SLC4A3: variants seen among roughly 807,000 people sequenced by gnomAD.
The protein encoded by SLC4A3 is anion exchange protein 3.
A neutral mutation model predicts 114.2 loss-of-function variants in SLC4A3; 47 were observed. The observed-to-expected ratio is 0.41, with a 90% CI of 0.33 to 0.52. SLC4A3 has a LOEUF of 0.52. Ranked by LOEUF, SLC4A3 falls within the 20% of genes least tolerant of loss-of-function variation. SLC4A3 has a pLI of 0.21. For missense variants in SLC4A3, 1,312 were observed against 1,668.3 expected, an observed-to-expected ratio of 0.79 and a Z score of 3.72; for synonymous variants, 693 against 710.3, an observed-to-expected ratio of 0.98 and a Z score of 0.39.
chr2:219,630,725 C>T lies in SLC4A3; in HGVS notation c.811+373C>T, dbSNP rs1484538576. On this transcript the variant is annotated intron_variant, in intron 6 of 22. Coordinates refer to ENST00000358055, the MANE Select transcript of SLC4A3 (RefSeq NM_005070.4). This position sits in a 1 kb window ranked among gnomAD's most constrained non-coding sequence, Gnocchi z 6.9. The stretch of plus-strand genomic sequence containing the variant: ...AGGCCCTGAGTCTGAGCCATTGCTC[C>T]GGACCCCTGCCTCTCCCTGTGTCAG... Among the ~76,000 whole-genome samples the T allele has an allele frequency of 4.6e-5, 7 of 152,152 alleles. No homozygotes were observed. Among genetic ancestry groups the T allele is most frequent in the Admixed American group, 2.0e-4 (3 of 15,280 alleles).
rs775181129 is a variant in SLC4A3 at position 219,638,249 on chromosome 2, C to T, written c.2852C>T (p.Thr951Met). 1.3e-5 allele frequency: 21 copies of T among 1,608,862 alleles called. No individual in the cohort carries two copies. The highest frequency in any genetic ancestry group is 1.7e-4 in the Middle Eastern group (1 of 6,054). Residue 951 changes from threonine to methionine, a missense_variant, in exon 18 of 23, where the codon ACG becomes ATG. Around this residue, in one of 4 missense-constraint regions of SLC4A3, gnomAD observed 301 missense variants for 460.7 expected, o/e 0.65. Transcript: ENST00000358055. This position sits in a 1 kb window ranked among gnomAD's most constrained non-coding sequence, Gnocchi z 7.5. ...GATTACTCCATCACAGACACCTACA[C>T]GCAGGTGAGGGAGCCCCAGCCTGTG... Reference protein sequence around the residue: ...LVDYSITDTYTQKLTVPTGLS... With the variant: ...LVDYSITDTYMQKLTVPTGLS...
chr2:219,631,249 C>T lies in SLC4A3; in HGVS notation c.812-719C>T, dbSNP rs1342007775. 4.7e-5 allele frequency: 60 copies of T among 1,268,458 alleles called. No individual in the cohort carries two copies. Among genetic ancestry groups the T allele is most frequent in the Non-Finnish European group, 6.0e-5 (58 of 965,706 alleles). The allele number at this position is 1,268,458 out of a possible 1,614,324, so 78.6% of individuals were successfully genotyped here. On this transcript the variant is annotated intron_variant, in intron 6 of 22. Coordinates refer to ENST00000358055, the MANE Select transcript of SLC4A3 (RefSeq NM_005070.4). The surrounding 1 kb of genome is among the most constrained non-coding windows in gnomAD (Gnocchi z 6.3). ...TCGGCCACCGGGAGAATGACGAGCCCACTGGAGAAGGACCCTGAGCCCAAT... is the reference window on the plus strand; with the variant it reads ...TCGGCCACCGGGAGAATGACGAGCCTACTGGAGAAGGACCCTGAGCCCAAT...
In SLC4A3 at chr2:219,638,595, C is replaced by T; in HGVS notation, c.2857-108C>T. ...CTAATTTTCCCCTGACCTGTTCACA[C>T]CCCAGCTCCCTGAAGTCCTGGACTG... On this transcript the variant is annotated intron_variant, in intron 18 of 22. Transcript: ENST00000358055. The surrounding 1 kb of genome is among the most constrained non-coding windows in gnomAD (Gnocchi z 7.5). The T allele has an allele frequency of 3.4e-6, 4 of 1,169,300 alleles. No individual in the cohort carries two copies. Among genetic ancestry groups the T allele is most frequent in the Non-Finnish European group, 4.9e-6 (4 of 816,342 alleles). The allele number at this position is 1,169,300 out of a possible 1,614,324, so 72.4% of individuals were successfully genotyped here. A position where few individuals can be genotyped will look rare whatever the true frequency, so the allele number is the denominator to read the frequency against.
At chr2:219,632,234 G>A (rs2106187694) in intron 7 of SLC4A3, 28 bp from the exon 8 acceptor site, 1 of 1,613,616 alleles carries the variant, frequency 6.2e-7, no homozygotes, top group Non-Finnish European at 8.5e-7. Context: ...GTTGGCCCCT[G>A]GGCCCTCACC....
In SLC4A3 at chr2:219,629,236, C is replaced by T. The variant is rs184135231; in HGVS notation, c.310C>T (p.Arg104Trp). 3.5e-4 allele frequency: 563 copies of T among 1,613,564 alleles called. 3 individuals are homozygous for T. In the East Asian group the frequency reaches 4.1e-3, roughly 12 times the overall value. Reference sequence around the variant, plus strand: ...GCGGCGGCTGCCCCCCACCTCTGCCCGGCACACCAGGAGAAAGAGGAAGAA... The same window carrying T: ...GCGGCGGCTGCCCCCCACCTCTGCCTGGCACACCAGGAGAAAGAGGAAGAA... Reference protein sequence around the residue: ...KLRRLPPTSARHTRRKRKKEK... With the variant: ...KLRRLPPTSAWHTRRKRKKEK... The change falls in exon 4 of 23, where the codon CGG (arginine) becomes TGG (tryptophan). Residue 104 changes from arginine (R) to tryptophan (W), a missense_variant. Arg to Trp is a moderately radical substitution (Grantham distance 101). This residue lies in a region of SLC4A3 where 236 missense variants were observed against 212.1 expected (regional missense o/e 1.11). Coordinates refer to ENST00000358055, the MANE Select transcript of SLC4A3 (RefSeq NM_005070.4).
In SLC4A3 at chr2:219,636,069, T is replaced by G. The variant is rs1699107470; in HGVS notation, c.2191+178T>G. On this transcript the variant is annotated intron_variant, in intron 14 of 22. Coordinates refer to ENST00000358055, the MANE Select transcript of SLC4A3 (RefSeq NM_005070.4). This position sits in a 1 kb window ranked among gnomAD's most constrained non-coding sequence, Gnocchi z 5.5. ...ATCAGGGAATCCCAGCGATCACCTT[T>G]GGGGAGCTATAAAGTGAGGGTGTGG... Among the ~76,000 whole-genome samples the G allele has an allele frequency of 1.3e-5, 2 of 152,022 alleles. No individual in the cohort carries two copies. Among genetic ancestry groups the G allele is most frequent in the African/African-American group, 4.8e-5 (2 of 41,362 alleles).
At position 219,629,264 on chromosome 2, in the gene SLC4A3, A is replaced by G; in HGVS notation, c.338A>G (p.Glu113Gly). Residue 113 changes from glutamate (E) to glycine (G), a missense_variant, in exon 4 of 23, where the codon GAG becomes GGG. Transcript: ENST00000358055. ...CACACCAGGAGAAAGAGGAAGAAGGAGAAAACCTCTGCTCCTCCCTCCGAG... is the reference window on the plus strand; with the variant it reads ...CACACCAGGAGAAAGAGGAAGAAGGGGAAAACCTCTGCTCCTCCCTCCGAG... ...ARHTRRKRKK[E>G]KTSAPPSEGT... 6.2e-7 allele frequency: 1 copy of G among 1,613,984 alleles called. No individual in the cohort carries two copies. Among genetic ancestry groups the G allele is most frequent in the East Asian group, 2.2e-5 (1 of 44,866 alleles).
Position 219,641,906 on chromosome 2 carries a change from C to T in SLC4A3, c.*178C>T, listed in dbSNP as rs1699339248. Reference sequence around the variant, plus strand: ...CTTCTGCCCGGGGTGTTGACCTCGCCTCACCTTTCACAGACCAGACCGGCA... The same window carrying T: ...CTTCTGCCCGGGGTGTTGACCTCGCTTCACCTTTCACAGACCAGACCGGCA... On this transcript the variant is annotated 3_prime_UTR_variant, in exon 23 of 23. Coordinates refer to ENST00000358055, the MANE Select transcript of SLC4A3 (RefSeq NM_005070.4). This position sits in a 1 kb window ranked among gnomAD's most constrained non-coding sequence, Gnocchi z 4.0. The T allele has an allele frequency of 1.7e-6, 1 of 591,156 alleles. No individual in the cohort carries two copies. The highest frequency in any genetic ancestry group is 3.0e-5 in the Admixed American group (1 of 33,434). 36.6% of individuals were successfully genotyped at this position (591,156 alleles called of 1,614,324 possible). A position where few individuals can be genotyped will look rare whatever the true frequency, so the allele number is the denominator to read the frequency against.
In SLC4A3 at chr2:219,641,113, G is replaced by A; in HGVS notation, c.3621+151G>A. The A allele has an allele frequency of 1.3e-6, 1 of 744,540 alleles. No individual in the cohort carries two copies. Among genetic ancestry groups the A allele is most frequent in the Admixed American group, 2.6e-5 (1 of 38,092 alleles). 46.1% of individuals were successfully genotyped at this position (744,540 alleles called of 1,614,324 possible). A position where few individuals can be genotyped will look rare whatever the true frequency, so the allele number is the denominator to read the frequency against. On this transcript the variant is annotated intron_variant, in intron 22 of 22. Coordinates refer to ENST00000358055, the MANE Select transcript of SLC4A3 (RefSeq NM_005070.4). This position sits in a 1 kb window ranked among gnomAD's most constrained non-coding sequence, Gnocchi z 4.0. ...ACCTTCCGAAATCTTATTTTCACCT[G>A]TATAATAGGGGTGATCATAGACCCT...
chr2:219,627,794 C>A, intron 1 of SLC4A3, 49 bp downstream of exon 1: 2 of 454,364 alleles, frequency 4.4e-6, no homozygotes, highest in Non-Finnish European at 7.8e-6. Context: ...CCGGGCTGTC[C>A]CGGGCGTGGC....
chr2:219,636,412 T>C lies in SLC4A3; in HGVS notation c.2302T>C (p.Ser768Pro). The change falls in exon 15 of 23, where the codon TCT becomes CCT. Residue 768 changes from serine to proline, a missense_variant. Coordinates refer to ENST00000358055, the MANE Select transcript of SLC4A3 (RefSeq NM_005070.4). This position sits in a 1 kb window ranked among gnomAD's most constrained non-coding sequence, Gnocchi z 5.5. ...TCAGCCGCTGCTTGTGGTTGGCTTCTCTGGGCCGCTGCTTGTGTTTGAGGA... is the reference window on the plus strand; with the variant it reads ...TCAGCCGCTGCTTGTGGTTGGCTTCCCTGGGCCGCTGCTTGTGTTTGAGGA... ...GAQPLLVVGF[S>P]GPLLVFEEAF... The C allele has an allele frequency of 6.2e-7, 1 of 1,612,896 alleles. No individual in the cohort carries two copies. Among genetic ancestry groups the C allele is most frequent in the Non-Finnish European group, 8.5e-7 (1 of 1,179,526 alleles).
chr2:219,638,008 TC>T lies in SLC4A3; in HGVS notation c.2767-153del, dbSNP rs1699190089. ...GAGAAGTCTAATCAAGACAACAGCC[TC>T]CCAGGCTGCGCTGGCACCTGTGGGG... On this transcript the variant is annotated intron_variant, in intron 17 of 22. Coordinates refer to ENST00000358055, the MANE Select transcript of SLC4A3 (RefSeq NM_005070.4). This position sits in a 1 kb window ranked among gnomAD's most constrained non-coding sequence, Gnocchi z 7.5. 6.6e-6 allele frequency among the ~76,000 whole-genome samples: 1 copy of T among 152,176 alleles called. No homozygotes were observed. The highest frequency in any genetic ancestry group is 6.5e-5 in the Admixed American group (1 of 15,270).
chr2:219,641,943 C>A lies in SLC4A3; in HGVS notation c.*215C>A. On this transcript the variant is annotated 3_prime_UTR_variant, in exon 23 of 23. Coordinates refer to ENST00000358055, the MANE Select transcript of SLC4A3 (RefSeq NM_005070.4). This position sits in a 1 kb window ranked among gnomAD's most constrained non-coding sequence, Gnocchi z 4.0. ...AGACCAGACCGGCACAGGCTTTGAG[C>A]TCATTATAACCACACTCCTTGTCTC... The A allele has an allele frequency of 1.9e-6, 1 of 524,568 alleles. No individual in the cohort carries two copies. The highest frequency in any genetic ancestry group is 2.8e-5 in the South Asian group (1 of 35,644). 32.5% of individuals were successfully genotyped at this position (524,568 alleles called of 1,614,324 possible).
At position 219,639,525 on chromosome 2, in the gene SLC4A3, G is replaced by A; in HGVS notation, c.3067G>A (p.Gly1023Ser). ...QKARRLLKGS[G>S]FHLDLLLIGS... ...GGCGCGGAGGCTGCTCAAGGGCTCCGGTTTCCACCTGGACCTGCTCCTCAT... is the reference window on the plus strand; with the variant it reads ...GGCGCGGAGGCTGCTCAAGGGCTCCAGTTTCCACCTGGACCTGCTCCTCAT... Residue 1023 changes from glycine to serine, a missense_variant, in exon 20 of 23, where the codon GGT (glycine) becomes AGT (serine). This residue lies in a region of SLC4A3 where 301 missense variants were observed against 460.7 expected (regional missense o/e 0.65). Transcript: ENST00000358055. This position sits in a 1 kb window ranked among gnomAD's most constrained non-coding sequence, Gnocchi z 5.9. The A allele has an allele frequency of 1.2e-6, 2 of 1,613,984 alleles. No individual in the cohort carries two copies. The highest frequency in any genetic ancestry group is 2.2e-5 in the East Asian group (1 of 44,872).
Position 219,638,820 on chromosome 2 carries a change from C to G in SLC4A3, c.2974C>G (p.Pro992Ala), listed in dbSNP as rs754591082. ...PPWMMVAAAV[P>A]ALLVLILIFM... ...GTGGATGATGGTGGCAGCCGCTGTT[C>G]CCGCCCTCCTCGTCCTCATCCTGAT... is the stretch of plus-strand genomic sequence containing the variant. Residue 992 changes from proline (P) to alanine (A), a missense_variant, in exon 19 of 23, where the codon CCC becomes GCC. Physicochemically the swap from Pro to Ala is conservative, Grantham distance 27. Around this residue, in one of 4 missense-constraint regions of SLC4A3, gnomAD observed 301 missense variants for 460.7 expected, o/e 0.65. Transcript: ENST00000358055. This position sits in a 1 kb window ranked among gnomAD's most constrained non-coding sequence, Gnocchi z 7.5. 2 of 1,614,146 alleles carry G rather than the reference C, an allele frequency of 1.2e-6. No homozygotes were observed. The highest frequency in any genetic ancestry group is 1.7e-6 in the Non-Finnish European group (2 of 1,180,032).
Position 219,628,459 on chromosome 2 carries a change from G to T in SLC4A3, c.106G>T (p.Asp36Tyr). The T allele has an allele frequency of 6.2e-7, 1 of 1,613,756 alleles. No individual in the cohort carries two copies. Among genetic ancestry groups the T allele is most frequent in the Non-Finnish European group, 8.5e-7 (1 of 1,179,862 alleles). ...PLSPDVEEED[D>Y]DLGKTLAVSR... Reference sequence around the variant, plus strand: ...AAGTCCAGACGTGGAGGAGGAGGACGATGACTTGGGCAAGACCTTGGCTGT... The same window carrying T: ...AAGTCCAGACGTGGAGGAGGAGGACTATGACTTGGGCAAGACCTTGGCTGT... Residue 36 changes from aspartate (D) to tyrosine (Y), a missense_variant, in exon 3 of 23, where the codon GAT becomes TAT. By Grantham distance (160) the Asp-to-Tyr change is radical. Around this residue, in one of 4 missense-constraint regions of SLC4A3, gnomAD observed 236 missense variants for 212.1 expected, o/e 1.11. Transcript: ENST00000358055. This position sits in a 1 kb window ranked among gnomAD's most constrained non-coding sequence, Gnocchi z 4.8.
In SLC4A3 at chr2:219,634,643, G is replaced by T. The variant is rs372916935; in HGVS notation, c.1746+39G>T. On this transcript the variant is annotated intron_variant, in intron 12 of 22. Transcript: ENST00000358055. Reference sequence around the variant, plus strand: ...TGGCTCTCAAGGCCTCTTCTCCTAGGCCCTGCTTACCCCTGTCCCTCATTG... The same window carrying T: ...TGGCTCTCAAGGCCTCTTCTCCTAGTCCCTGCTTACCCCTGTCCCTCATTG... 23 of 1,599,164 alleles carry T rather than the reference G, an allele frequency of 1.4e-5. No homozygotes were observed. In the South Asian group the frequency reaches 2.4e-4, roughly 16 times the overall value.
intron 5 of SLC4A3, among the ~76,000 whole-genome samples, chr2:219,629,898 AAC>A (rs1698859364): frequency 6.7e-6 from 1 of 149,970 alleles, no homozygotes; most frequent in African/African-American, 2.5e-5. Context: ...GGGGGAGAAA[AAC>A]AGAGAAGAGC....
chr2:219,633,453 A>C lies in SLC4A3; in HGVS notation c.1457A>C (p.Lys486Thr). 1 of 1,541,226 alleles carries C rather than the reference A, an allele frequency of 6.5e-7. No homozygotes were observed. The highest frequency in any genetic ancestry group is 8.7e-7 in the Non-Finnish European group (1 of 1,143,736). Residue 486 changes from lysine (K) to threonine (T), a missense_variant, in exon 10 of 23, where the codon AAG (lysine) becomes ACG (threonine). Coordinates refer to ENST00000358055, the MANE Select transcript of SLC4A3 (RefSeq NM_005070.4). ...CTCTGGCCACATGACCCTGACGCCA[A>C]GGAGGTCAGTGCCCTTGCTTTGGCT... ...APLWPHDPDA[K>T]EKPLHMPGGD...
Sources: gnomAD v4.1 joint callset for allele counts (sites outside exome capture counted in the v4.1 genomes callset) on GRCh38, gnomAD v4.1.1 for gene constraint, gnomAD v4.1.1 regional missense constraint, Gnocchi (gnomAD v3.1) non-coding constraint, MANE v1.5 for transcripts, NCBI Gene and HGNC (gene_info 2026-07-23, HGNC 2026-07-21) for gene names.